ZNF282: variants seen among roughly 807,000 people sequenced by gnomAD.
ZNF282 encodes zinc finger protein 282.
Under a neutral mutation model 61.9 loss-of-function variants are expected in ZNF282, and 30 were observed. The observed-to-expected ratio is 0.48, with a 90% CI of 0.36 to 0.66. ZNF282 has a LOEUF of 0.66. ZNF282 is among the 30% of genes least tolerant of loss of function. The pLI is 0.00. For missense variants in ZNF282, 788 were observed against 941.4 expected (o/e 0.84, Z 2.13); for synonymous variants, 396 against 405.0 (o/e 0.98, Z 0.27).
chr7:149,213,665 A>C (rs1796119252), intron 6 of ZNF282, 36 bp from the exon 7 acceptor site: 2 of 1,552,302 alleles, frequency 1.3e-6, no homozygotes, highest in African/African-American at 2.7e-5. Flanking sequence ...GTAGAACTGA[A>C]CAAAATCTAA....
At position 149,209,044 on chromosome 7, in the gene ZNF282, C is replaced by T. The variant is rs1402739119; in HGVS notation, c.833-1541C>T. 6.0e-5 allele frequency among the ~76,000 whole-genome samples: 6 copies of T among 99,194 alleles called. No individual in the cohort carries two copies. The South Asian group carries it at 1.1e-3, about 18-fold the overall frequency. 65.1% of individuals were successfully genotyped at this position (99,194 alleles called of 152,430 possible). ...TCAAAAAAAAAAAAAGAGGGCCGGG[C>T]GCGGTGGCTCACGCCTGTAATCCCA... On this transcript the variant is annotated intron_variant, in intron 4 of 7. Transcript: ENST00000610704.
At chr7:149,203,514 GT>G (rs1795946857) in intron 2 of ZNF282, among the ~76,000 whole-genome samples, 1 of 152,140 alleles carries the variant, frequency 6.6e-6, no homozygotes, top group South Asian at 2.1e-4. Flanking sequence ...ACCCAGTTAA[GT>G]TTTTTATTTA....
At position 149,206,832 on chromosome 7, in the gene ZNF282, CCTT is replaced by C. The variant is rs760468859; in HGVS notation, c.712+13_712+15del. On this transcript the variant is annotated intron_variant, in intron 3 of 7. Transcript: ENST00000610704. ...ACCCTCATGTCCCTGGGTAAGGACACCTTCTCTCCTCTTTGGTGAGCCATCTCT... is the reference window on the plus strand; with the variant it reads ...ACCCTCATGTCCCTGGGTAAGGACACCTCTCCTCTTTGGTGAGCCATCTCT... 1 of 1,613,888 alleles carries C rather than the reference CCTT, an allele frequency of 6.2e-7. No individual in the cohort carries two copies. The highest frequency in any genetic ancestry group is 1.3e-5 in the African/African-American group (1 of 75,044).
chr7:149,223,880 C>A lies in ZNF282; in HGVS notation c.1249C>A (p.Pro417Thr). Residue 417 changes from proline (P) to threonine (T), a missense_variant, in exon 8 of 8, where the codon CCG becomes ACG. Physicochemically the swap from Pro to Thr is conservative, Grantham distance 38 (BLOSUM62 -1). This residue lies in a region of ZNF282 where 559 missense variants were observed against 642.0 expected (regional missense o/e 0.87). Coordinates refer to ENST00000610704, the MANE Select transcript of ZNF282 (RefSeq NM_003575.4). ...PPQPQPQPQP[P>T]QPQLQSQPQP... The stretch of plus-strand genomic sequence containing the variant: ...ACAGCCCCAGCCCCAGCCCCAGCCA[C>A]CGCAGCCGCAGCTGCAGTCGCAGCC... 7.0e-7 allele frequency: 1 copy of A among 1,435,890 alleles called. No individual in the cohort carries two copies. The highest frequency in any genetic ancestry group is 9.1e-7 in the Non-Finnish European group (1 of 1,100,352). The allele number at this position is 1,435,890 out of a possible 1,614,324, so 88.9% of individuals were successfully genotyped here. A position where few individuals can be genotyped will look rare whatever the true frequency, so the allele number is the denominator to read the frequency against.
chr7:149,198,216 G>A lies in ZNF282; in HGVS notation c.166-117G>A, dbSNP rs891650151. On this transcript the variant is annotated intron_variant, in intron 1 of 7. Transcript: ENST00000610704. The surrounding 1 kb of genome is among the most constrained non-coding windows in gnomAD (Gnocchi z 4.3). The stretch of plus-strand genomic sequence containing the variant: ...TGTTAGTGTATCCTGAGTTACGGGG[G>A]CCTGGCAGAAGAAAGACGACATGTA... The A allele has an allele frequency of 8.0e-7, 1 of 1,250,360 alleles. No individual in the cohort carries two copies. Among genetic ancestry groups the A allele is most frequent in the African/African-American group, 1.5e-5 (1 of 66,474 alleles). 77.5% of individuals were successfully genotyped at this position (1,250,360 alleles called of 1,614,324 possible).
chr7:149,224,100 C>CG lies in ZNF282; in HGVS notation c.1474dup (p.Ala492GlyfsTer59). ...GGGGGCGGCGGCGCGGAGGCGGGGA[C>CG]GGGGGCAGGCGGCGGCTGTGGCAGC... On this transcript the variant is annotated frameshift_variant, in exon 8 of 8. Coordinates refer to ENST00000610704, the MANE Select transcript of ZNF282 (RefSeq NM_003575.4). LOFTEE classifies it high-confidence loss of function. 1 of 1,388,476 alleles carries CG rather than the reference C, an allele frequency of 7.2e-7. No homozygotes were observed. Among genetic ancestry groups the CG allele is most frequent in the Non-Finnish European group, 9.3e-7 (1 of 1,075,164 alleles). 86.0% of individuals were successfully genotyped at this position (1,388,476 alleles called of 1,614,324 possible).
At chr7:149,220,255 A>C (rs1452347050) in intron 7 of ZNF282, among the ~76,000 whole-genome samples, 1 of 151,930 alleles carries the variant, frequency 6.6e-6, no homozygotes, top group Non-Finnish European at 1.5e-5. Flanking sequence ...AAAAATACAA[A>C]AAAATTAGCC....
chr7:149,224,178 AGCCCTACTCGT>A lies in ZNF282; in HGVS notation c.1552_1562del (p.Tyr518ArgfsTer29). 6.3e-7 allele frequency: 1 copy of A among 1,599,966 alleles called. No homozygotes were observed. The highest frequency in any genetic ancestry group is 8.5e-7 in the Non-Finnish European group (1 of 1,177,876). On this transcript the variant is annotated frameshift_variant, in exon 8 of 8. Transcript: ENST00000610704. LOFTEE classifies it high-confidence loss of function. ...CTCCTCCTGCACGGCGCCCGCAGCA[AGCCCTACTCGT>A]GCCCCGAGTGCGGCAAGAGCTTCGG... is the stretch of plus-strand genomic sequence containing the variant.
rs1008978486 is a variant in ZNF282 at position 149,217,795 on chromosome 7, C to T, written c.1180+3981C>T. 2.6e-5 allele frequency among the ~76,000 whole-genome samples: 4 copies of T among 151,986 alleles called. No individual in the cohort carries two copies. In the Middle Eastern group the frequency reaches 0.01, roughly 388 times the overall value. ...TGTGCCCTTGGCAGTGGGAAGGAGC[C>T]GGCCGTGGGGTTGCAGGGGGAAGAG... is the stretch of plus-strand genomic sequence containing the variant. On this transcript the variant is annotated intron_variant, in intron 7 of 7. Coordinates refer to ENST00000610704, the MANE Select transcript of ZNF282 (RefSeq NM_003575.4).
At chr7:149,218,848 A>G (rs1358902410) in intron 7 of ZNF282, among the ~76,000 whole-genome samples, 2 of 152,204 alleles carry the variant, frequency 1.3e-5, no homozygotes, top group Non-Finnish European at 1.5e-5. Context: ...CAGCAAAAGG[A>G]TTCAAATCAG....
intron 7 of ZNF282, 80 bp from the exon 8 acceptor site, chr7:149,223,732 C>G (rs1796297705): frequency 7.3e-7 from 1 of 1,360,788 alleles, no homozygotes; most frequent in Non-Finnish European, 9.5e-7. Flanking sequence ...ATAGCATGCT[C>G]CCTGGGCCCC....
rs754555328 is a variant in ZNF282, at chr7:149,207,384, C to A, written c.746C>A (p.Pro249Gln). ...AEGSVPKPDA[P>Q]VQAEPREEPC... ...GGCTCAGTCCCCAAGCCAGATGCTC[C>A]AGTCCAGGCTGAGCCCAGGGAAGAA... is the stretch of plus-strand genomic sequence containing the variant. Residue 249 changes from proline to glutamine, a missense_variant, in exon 4 of 8, where the codon CCA becomes CAA. Physicochemically the swap from Pro to Gln is moderately conservative, Grantham distance 76. Coordinates refer to ENST00000610704, the MANE Select transcript of ZNF282 (RefSeq NM_003575.4). 8 of 1,584,066 alleles carry A rather than the reference C, an allele frequency of 5.1e-6. No individual in the cohort carries two copies. The African/African-American group carries it at 8.1e-5, about 16-fold the overall frequency.
rs189499692 is a variant in ZNF282, at chr7:149,215,266, G to T, written c.1180+1452G>T. ...CGCCCAGGCTGGAGCGCAGTGGTGC[G>T]ATCTAGGCTTACCACAACCTCCGCC... On this transcript the variant is annotated intron_variant, in intron 7 of 7. Coordinates refer to ENST00000610704, the MANE Select transcript of ZNF282 (RefSeq NM_003575.4). 3.0e-3 allele frequency among the ~76,000 whole-genome samples: 436 copies of T among 146,102 alleles called. 5 individuals are homozygous for T. Among genetic ancestry groups the T allele is most frequent in the Admixed American group, 0.03 (416 of 14,058 alleles).
In ZNF282 at chr7:149,224,768, T is replaced by TGGGGGTCCCCCAGGGTGGGGC. The variant is rs1796338856; in HGVS notation, c.*122_*142dup. 1 of 1,418,742 alleles carries TGGGGGTCCCCCAGGGTGGGGC rather than the reference T, an allele frequency of 7.0e-7. No homozygotes were observed. The highest frequency in any genetic ancestry group is 9.2e-7 in the Non-Finnish European group (1 of 1,085,124). The allele number at this position is 1,418,742 out of a possible 1,614,324, so 87.9% of individuals were successfully genotyped here. On this transcript the variant is annotated 3_prime_UTR_variant, in exon 8 of 8. Coordinates refer to ENST00000610704, the MANE Select transcript of ZNF282 (RefSeq NM_003575.4). ...TCGGCAACAGGCATTGCACTCCGGTTGGGGGTCCCCCAGGGTGGGGCAGGG... is the reference window on the plus strand; with the variant it reads ...TCGGCAACAGGCATTGCACTCCGGTTGGGGGTCCCCCAGGGTGGGGCGGGGGTCCCCCAGGGTGGGGCAGGG...
At chr7:149,208,914 G>A (rs1340937708) in intron 4 of ZNF282, among the ~76,000 whole-genome samples, 3 of 150,670 alleles carry the variant, frequency 2.0e-5, no homozygotes, top group East Asian at 2.0e-4. Flanking sequence ...CCAGCTACTC[G>A]GGAGGCTGAG....
chr7:149,212,317 G>C (rs755920858), intron 5 of ZNF282, 41 bp from the exon 6 acceptor site: 5 of 1,421,726 alleles, frequency 3.5e-6, no homozygotes, highest in African/African-American at 1.4e-5. Flanking sequence ...AGGAGATTTC[G>C]CATCTTCTAA....
In ZNF282 at chr7:149,225,724, G is replaced by A; in HGVS notation, c.*1077G>A. The A allele has an allele frequency of 6.5e-6, 1 of 152,850 alleles. No homozygotes were observed. Among genetic ancestry groups the A allele is most frequent in the Non-Finnish European group, 1.5e-5 (1 of 68,118 alleles). 9.5% of individuals were successfully genotyped at this position (152,850 alleles called of 1,614,324 possible). ...GTGGGTGCTAGAGTCTGAGCCTCAG[G>A]CTCTCCTGCCCTGGGCCTCCCAATT... On this transcript the variant is annotated 3_prime_UTR_variant, in exon 8 of 8. Coordinates refer to ENST00000610704, the MANE Select transcript of ZNF282 (RefSeq NM_003575.4).
Position 149,224,377 on chromosome 7 carries a change from C to G in ZNF282, c.1746C>G (p.Thr582=), listed in dbSNP as rs1796324650. The change falls in exon 8 of 8, where the codon ACC becomes ACG. Residue 582 remains threonine (T), a synonymous_variant. Coordinates refer to ENST00000610704, the MANE Select transcript of ZNF282 (RefSeq NM_003575.4). ...RPYKCSECEK[T]YSRKEHLQNH... is the part of the protein sequence containing the mutation. Reference sequence around the variant, plus strand: ...ACAAGTGCTCGGAGTGCGAGAAGACCTACAGCCGTAAGGAGCACCTGCAGA... The same window carrying G: ...ACAAGTGCTCGGAGTGCGAGAAGACGTACAGCCGTAAGGAGCACCTGCAGA... 6.2e-7 allele frequency: 1 copy of G among 1,613,876 alleles called. No homozygotes were observed. The highest frequency in any genetic ancestry group is 1.3e-5 in the African/African-American group (1 of 74,928).
chr7:149,223,218 C>T (rs1028350006), intron 7 of ZNF282, among the ~76,000 whole-genome samples: 2 of 152,064 alleles, frequency 1.3e-5, no homozygotes, highest in Non-Finnish European at 2.9e-5. Flanking sequence ...AGGTGATCCG[C>T]CCACCTCGGT....
Sources: gnomAD v4.1 joint callset for allele counts (sites outside exome capture counted in the v4.1 genomes callset) on GRCh38, gnomAD v4.1.1 for gene constraint, gnomAD v4.1.1 regional missense constraint, Gnocchi (gnomAD v3.1) non-coding constraint, MANE v1.5 for transcripts, NCBI Gene and HGNC (gene_info 2026-07-23, HGNC 2026-07-21) for gene names.